Variants in QTMAN observed in about 807,000 individuals in gnomAD.
QTMAN encodes queuosine-tRNA mannosyltransferase.
At chr2:144,230,780 G>C in the QTMAN span, among the ~76,000 whole-genome samples, 1 of 152,016 alleles carries the variant, frequency 6.6e-6, no homozygotes, top group Non-Finnish European at 1.5e-5. Context: ...CCAAATCCCT[G>C]AATTTCTTTG....
chr2:144,328,308 T>A, the QTMAN span, among the ~76,000 whole-genome samples: 1 of 152,204 alleles, frequency 6.6e-6, no homozygotes, highest in Admixed American at 6.5e-5. Context: ...ACTTGTGTGA[T>A]CCTACACAGC....
chr2:143,979,025 T>C, the QTMAN span, among the ~76,000 whole-genome samples: 1 of 152,154 alleles, frequency 6.6e-6, no homozygotes. Context: ...ACCTCTTGGA[T>C]AGAAAGATGT....
At chr2:144,141,801 C>T in the QTMAN span, 2 of 1,039,980 alleles carry the variant, frequency 1.9e-6, no homozygotes, top group Non-Finnish European at 2.8e-6. Context: ...AAAGTTAAAA[C>T]TGGCATGAAG....
the QTMAN span, among the ~76,000 whole-genome samples, chr2:144,112,142 T>C: frequency 1.3e-5 from 2 of 152,182 alleles, no homozygotes; most frequent in Non-Finnish European, 2.9e-5. Flanking sequence ...AGCTTTCCAG[T>C]TCAAAATAGT....
At chr2:143,993,644 G>C in the QTMAN span, among the ~76,000 whole-genome samples, 1 of 152,178 alleles carries the variant, frequency 6.6e-6, no homozygotes, top group Admixed American at 6.6e-5. Flanking sequence ...TGAGCCTCTG[G>C]AAGGAGTGAG....
the QTMAN span, among the ~76,000 whole-genome samples, chr2:144,232,966 G>C: frequency 6.6e-6 from 1 of 151,946 alleles, no homozygotes. Flanking sequence ...TTATTTCAAA[G>C]GAAAAATATT....
At chr2:143,963,111 T>C in the QTMAN span, among the ~76,000 whole-genome samples, 7 of 152,144 alleles carry the variant, frequency 4.6e-5, no homozygotes, top group African/African-American at 1.7e-4. Flanking sequence ...CTCAGGCAAG[T>C]TATTTAACTA....
chr2:144,137,773 A>G, the QTMAN span, among the ~76,000 whole-genome samples: 269 of 152,170 alleles, frequency 1.8e-3, 6 homozygotes, highest in East Asian at 0.05. Flanking sequence ...GAGAGATCTC[A>G]TCCAGACCTG....
chr2:144,067,822 G>A, the QTMAN span, among the ~76,000 whole-genome samples: 22 of 152,294 alleles, frequency 1.4e-4, no homozygotes, highest in East Asian at 1.9e-4. Flanking sequence ...CATGCCACAC[G>A]TTAGTATCTC....
At chr2:144,156,547 G>A in the QTMAN span, among the ~76,000 whole-genome samples, 1 of 152,054 alleles carries the variant, frequency 6.6e-6, no homozygotes, top group Admixed American at 6.6e-5. Flanking sequence ...TCCTGTGTGT[G>A]AGAATTCTCA....
At chr2:144,176,504 A>G in the QTMAN span, among the ~76,000 whole-genome samples, 9 of 152,180 alleles carry the variant, frequency 5.9e-5, no homozygotes, top group Non-Finnish European at 1.2e-4. Context: ...AAAATTAGGC[A>G]AGTGAAAAAA....
the QTMAN span, chr2:143,952,834 A>G: frequency 3.7e-6 from 6 of 1,604,522 alleles, no homozygotes; most frequent in African/African-American, 1.3e-5. Context: ...CACAGTACAC[A>G]GCTTCCAACC....
chr2:144,256,324 T>C, the QTMAN span, among the ~76,000 whole-genome samples: 108 of 152,280 alleles, frequency 7.1e-4, no homozygotes, highest in African/African-American at 2.5e-3. Context: ...AAAGATTATG[T>C]CCCCAATGCC....
At chr2:143,949,113 C>CGTGTGT in the QTMAN span, among the ~76,000 whole-genome samples, 3 of 149,922 alleles carry the variant, frequency 2.0e-5, no homozygotes, top group Non-Finnish European at 4.5e-5. Context: ...GCCAAGTGTA[C>CGTGTGT]GTGTGTGTGT....
the QTMAN span, among the ~76,000 whole-genome samples, chr2:144,149,234 A>C: frequency 1.3e-5 from 2 of 151,984 alleles, no homozygotes; most frequent in Non-Finnish European, 2.9e-5. Flanking sequence ...GTGTGTCTCT[A>C]GCAGGAAAGG....
At chr2:144,032,830 A>G in the QTMAN span, among the ~76,000 whole-genome samples, 41 of 152,230 alleles carry the variant, frequency 2.7e-4, no homozygotes, top group Admixed American at 4.6e-4. Context: ...TAAATCAGAC[A>G]AACTGGGATA....
At chr2:144,091,621 T>G in the QTMAN span, among the ~76,000 whole-genome samples, 7 of 152,154 alleles carry the variant, frequency 4.6e-5, no homozygotes, top group African/African-American at 1.7e-4. Context: ...CAGACTTTGG[T>G]GATTTATTTA....
chr2:144,141,821 T>G, the QTMAN span: 1 of 1,294,680 alleles, frequency 7.7e-7, no homozygotes. Context: ...GAACATCAAT[T>G]TTTATACATT....
At chr2:144,216,671 T>C in the QTMAN span, among the ~76,000 whole-genome samples, 1 of 152,238 alleles carries the variant, frequency 6.6e-6, no homozygotes, top group Non-Finnish European at 1.5e-5. Flanking sequence ...ATTTTTTCCA[T>C]ATAGATATGT....
Sources: allele counts gnomAD v4.1 joint callset (sites outside exome capture counted in the v4.1 genomes callset), GRCh38; gene constraint gnomAD v4.1.1; transcripts MANE v1.5; gene names NCBI Gene and HGNC (gene_info 2026-07-23, HGNC 2026-07-21).